SGSH: variants seen among roughly 807,000 people sequenced by gnomAD.
The protein encoded by SGSH is N-sulfoglucosamine sulfohydrolase.
SGSH carries 48 observed loss-of-function variants against 51.0 expected under a neutral mutation model. The ratio of observed to expected loss-of-function variants is 0.94; its 90% confidence interval spans 0.75 to 1.20. SGSH has a LOEUF of 1.20. Ranked by LOEUF, SGSH falls within the 50% of genes most tolerant of loss-of-function variation. The pLI is 0.00. For missense variants in SGSH, 662 were observed against 717.8 expected, an observed-to-expected ratio of 0.92 and a Z score of 0.89; for synonymous variants, 321 against 313.4, an observed-to-expected ratio of 1.02 and a Z score of -0.26.
At chr17:80,205,741 C>T (rs556407604), downstream of SGSH, 6 of 1,355,904 alleles carry the variant, frequency 4.4e-6, no homozygotes, top group African/African-American at 5.9e-5. Flanking sequence ...GGTACAGGGA[C>T]CGACCTGAGA....
At chr17:80,218,477 A>G (rs1305979220) in intron 1 of SGSH, among the ~76,000 whole-genome samples, 1 of 152,194 alleles carries the variant, frequency 6.6e-6, no homozygotes, top group Non-Finnish European at 1.5e-5. Flanking sequence ...GGCTGGTGGG[A>G]ACCCCCAGAC....
downstream of SGSH, chr17:80,203,539 G>C: frequency 2.5e-6 from 1 of 404,094 alleles, no homozygotes. The surrounding 1 kb of genome is among the most constrained non-coding windows in gnomAD (Gnocchi z 4.6). Context: ...GTGGGGCCCT[G>C]TACGCTGGCT....
chr17:80,205,454 C>T (rs1379267435), downstream of SGSH: 25 of 1,535,940 alleles, frequency 1.6e-5, no homozygotes, highest in Non-Finnish European at 2.2e-5. Flanking sequence ...TTCACGGGGA[C>T]AGGGGTGTTT....
At chr17:80,215,176 C>T (rs777599285) in intron 2 of SGSH, 38 bp from the exon 3 acceptor site, 1 of 1,482,528 alleles carries the variant, frequency 6.7e-7, no homozygotes, top group Non-Finnish European at 9.3e-7. Context: ...GGCCCCCGGA[C>T]AGCCAGAGCC....
At position 80,212,338 on chromosome 17, in the gene SGSH, G is replaced by A. The variant is rs1252752345; in HGVS notation, c.746-64C>T. 7.2e-7 allele frequency: 1 copy of A among 1,391,740 alleles called. No homozygotes were observed. The highest frequency in any genetic ancestry group is 1.0e-6 in the Non-Finnish European group (1 of 1,002,050). 86.2% of individuals were successfully genotyped at this position (1,391,740 alleles called of 1,614,324 possible). ...CACGGAGGGAGGCAGCGGGTGGTGTGTGTAGACCCACCTGCTGCTGCATCC... is the reference window on the plus strand; with the variant it reads ...CACGGAGGGAGGCAGCGGGTGGTGTATGTAGACCCACCTGCTGCTGCATCC... On this transcript the variant is annotated intron_variant, in intron 6 of 7. Transcript: ENST00000326317. The surrounding 1 kb of genome is among the most constrained non-coding windows in gnomAD (Gnocchi z 5.9).
intron 4 of SGSH, 44 bp downstream of exon 4, chr17:80,214,570 TG>T: frequency 6.3e-7 from 1 of 1,591,810 alleles, no homozygotes; most frequent in Non-Finnish European, 8.6e-7. Context: ...GGCTGTGCTC[TG>T]GTACCGGCCG....
At chr17:80,202,170 C>G, downstream of SGSH, 1 of 1,606,522 alleles carries the variant, frequency 6.2e-7, no homozygotes, top group Non-Finnish European at 8.5e-7. Context: ...CTCATGTCCC[C>G]TTTTATCAGG....
At chr17:80,211,097 G>A in intron 7 of SGSH, 86 bp from the exon 8 acceptor site, 1 of 1,560,586 alleles carries the variant, frequency 6.4e-7, no homozygotes, top group Non-Finnish European at 8.6e-7. Context: ...GCCACTCTGG[G>A]CGGCTCCCTT....
chr17:80,207,037 C>G, downstream of SGSH: 1 of 1,614,082 alleles, frequency 6.2e-7, no homozygotes, highest in Non-Finnish European at 8.5e-7. Flanking sequence ...GACATCTTCC[C>G]CATCGTCATC....
chr17:80,214,390 C>A, intron 4 of SGSH, 62 bp from the exon 5 acceptor site: 1 of 1,565,904 alleles, frequency 6.4e-7, no homozygotes, highest in Non-Finnish European at 8.7e-7. Context: ...ACAGGAAGCC[C>A]CTCGGCTCTG....
chr17:80,207,566 A>G (rs985181407), downstream of SGSH: 6 of 155,916 alleles, frequency 3.8e-5, no homozygotes, highest in Non-Finnish European at 7.1e-5. Context: ...CAAAACAACA[A>G]CAACAACAAC....
Position 80,209,560 on chromosome 17 carries a change from A to G in SGSH, c.*892T>C, listed in dbSNP as rs2041541764. ...AATTAACCCAAGCCAGAGGACGGGCATCGCCACCCAGCAACGCCAGTGTCA... is the reference window on the plus strand; with the variant it reads ...AATTAACCCAAGCCAGAGGACGGGCGTCGCCACCCAGCAACGCCAGTGTCA... On this transcript the variant is annotated 3_prime_UTR_variant, in exon 8 of 8. Coordinates refer to ENST00000326317, the MANE Select transcript of SGSH (RefSeq NM_000199.5). 5.2e-6 allele frequency: 5 copies of G among 965,470 alleles called. No homozygotes were observed. The highest frequency in any genetic ancestry group is 6.2e-6 in the Non-Finnish European group (5 of 811,512). 59.8% of individuals were successfully genotyped at this position (965,470 alleles called of 1,614,324 possible).
intron 7 of SGSH, 126 bp downstream of exon 7, chr17:80,211,945 C>A: frequency 1.3e-6 from 1 of 782,518 alleles, no homozygotes; most frequent in South Asian, 1.5e-5. Flanking sequence ...GAGTGACAGT[C>A]CCTTCCTCAC....
Position 80,212,048 on chromosome 17 carries a change from G to A in SGSH, c.949+23C>T, listed in dbSNP as rs2041687441. ...CCAGATCCACTCCCACACCTTTCCT[G>A]ACGGAGACAGACAAAGGCATACCTA... On this transcript the variant is annotated intron_variant, in intron 7 of 7. Coordinates refer to ENST00000326317, the MANE Select transcript of SGSH (RefSeq NM_000199.5). The surrounding 1 kb of genome is among the most constrained non-coding windows in gnomAD (Gnocchi z 5.9). 1.9e-6 allele frequency: 3 copies of A among 1,606,138 alleles called. No individual in the cohort carries two copies. The highest frequency in any genetic ancestry group is 2.2e-5 in the South Asian group (2 of 90,900).
chr17:80,213,926 C>T lies in SGSH; in HGVS notation c.664-41G>A, dbSNP rs746093033. The T allele has an allele frequency of 7.1e-6, 10 of 1,414,432 alleles. No individual in the cohort carries two copies. Among genetic ancestry groups the T allele is most frequent in the Non-Finnish European group, 9.7e-6 (10 of 1,028,192 alleles). The allele number at this position is 1,414,432 out of a possible 1,614,324, so 87.6% of individuals were successfully genotyped here. ...GGGAGCCAGGCTTAGAACAGACAGA[C>T]CGGGGGAGCGGTGTCCAGCCTTCTC... On this transcript the variant is annotated intron_variant, in intron 5 of 7. Transcript: ENST00000326317. This position sits in a 1 kb window ranked among gnomAD's most constrained non-coding sequence, Gnocchi z 4.6.
At chr17:80,207,012 A>C, downstream of SGSH, 1 of 1,613,814 alleles carries the variant, frequency 6.2e-7, no homozygotes, top group Non-Finnish European at 8.5e-7. Flanking sequence ...CAGTGTCTGC[A>C]CCCTGCACAG....
Position 80,210,446 on chromosome 17 carries a change from G to A in SGSH, c.*6C>T. 6.3e-7 allele frequency: 1 copy of A among 1,589,580 alleles called. No homozygotes were observed. The highest frequency in any genetic ancestry group is 8.5e-7 in the Non-Finnish European group (1 of 1,173,414). On this transcript the variant is annotated 3_prime_UTR_variant, in exon 8 of 8. Transcript: ENST00000326317. Reference sequence around the variant, plus strand: ...CTGGGATGTGTGCACAGGCCTCCTGGGATGGTCACAGCTCATTGTGGAGGG... The same window carrying A: ...CTGGGATGTGTGCACAGGCCTCCTGAGATGGTCACAGCTCATTGTGGAGGG...
Position 80,211,014 on chromosome 17 carries a change from G to A in SGSH, c.950-3C>T. 6.3e-7 allele frequency: 1 copy of A among 1,598,390 alleles called. No homozygotes were observed. ...ATCCAAGATGGTGGGCGTGAGGTCTGGAAGGGACGCGGCATCTCAGAGCAG... is the reference window on the plus strand; with the variant it reads ...ATCCAAGATGGTGGGCGTGAGGTCTAGAAGGGACGCGGCATCTCAGAGCAG... On this transcript the variant is annotated splice_region_variant and splice_polypyrimidine_tract_variant and intron_variant, in intron 7 of 7. Transcript: ENST00000326317.
downstream of SGSH, chr17:80,203,945 C>T (rs1056027406): frequency 2.3e-5 from 32 of 1,384,544 alleles, no homozygotes; most frequent in African/African-American, 4.6e-4. The surrounding 1 kb of genome is among the most constrained non-coding windows in gnomAD (Gnocchi z 4.6). Flanking sequence ...GGGCTCGGTG[C>T]TGGCAGGGTG....
Sources: allele counts gnomAD v4.1 joint callset (sites outside exome capture counted in the v4.1 genomes callset), GRCh38; gene constraint gnomAD v4.1.1; non-coding constraint Gnocchi (gnomAD v3.1); transcripts MANE v1.5; gene names NCBI Gene and HGNC (gene_info 2026-07-23, HGNC 2026-07-21).